Variants in SIPA1L2 observed in about 807,000 individuals in gnomAD.
The protein encoded by SIPA1L2 is signal-induced proliferation-associated 1-like protein 2.
A neutral mutation model predicts 163.9 loss-of-function variants in SIPA1L2; 56 were observed. That is an observed-to-expected ratio of 0.34 (90% CI 0.28 to 0.43). The LOEUF (loss-of-function observed/expected upper bound fraction) is 0.43, where lower values mean the gene tolerates loss of function less well. Among genes scored for constraint, SIPA1L2 ranks in the 20% least tolerant of loss-of-function variants. The pLI is 1.00. For missense variants in SIPA1L2, 1,974 were observed against 2,193.5 expected, an observed-to-expected ratio of 0.90 and a Z score of 2.00; for synonymous variants, 877 against 865.7, an observed-to-expected ratio of 1.01 and a Z score of -0.23.
Position 232,490,983 on chromosome 1 carries a change from A to G in SIPA1L2, c.1697T>C (p.Leu566Pro). 2 of 1,614,174 alleles carry G rather than the reference A, an allele frequency of 1.2e-6. No homozygotes were observed. The highest frequency in any genetic ancestry group is 1.1e-5 in the South Asian group (1 of 91,076). ...ARHGTARGLPLKEVLEYVIPE... is the reference protein window; with the variant it reads ...ARHGTARGLPPKEVLEYVIPE... Reference sequence around the variant, plus strand: ...AATGACGTATTCCAAAACTTCTTTGAGAGGTAGTCCTCGTGCGGTACCATG... The same window carrying G: ...AATGACGTATTCCAAAACTTCTTTGGGAGGTAGTCCTCGTGCGGTACCATG... Residue 566 changes from leucine to proline, a missense_variant, in exon 5 of 23, where the codon CTC (leucine) becomes CCC (proline). Physicochemically the swap from Leu to Pro is moderately conservative, Grantham distance 98 (BLOSUM62 -3). Transcript: ENST00000674635.
chr1:232,458,966 G>A (rs985185420), intron 10 of SIPA1L2, among the ~76,000 whole-genome samples: 1 of 152,106 alleles, frequency 6.6e-6, no homozygotes, highest in Admixed American at 6.5e-5. Context: ...ATCTTAACAC[G>A]GGACTGATAC....
At chr1:232,428,593 A>G (rs759249286) in intron 16 of SIPA1L2, 29 bp from the exon 17 acceptor site, 2 of 1,473,894 alleles carry the variant, frequency 1.4e-6, no homozygotes, top group Non-Finnish European at 1.8e-6. Flanking sequence ...ATGGAAATTA[A>G]GCCTATTTGT....
rs190100664 is a variant in SIPA1L2, at chr1:232,508,997, C to T, written c.1483+4860G>A. On this transcript the variant is annotated intron_variant, in intron 3 of 22. Transcript: ENST00000674635. ...ATCCCAGCTACTTGGGAGGCTGAGG[C>T]AGGAGAATTGCTTGAACCCGGGAGG... is the stretch of plus-strand genomic sequence containing the variant. Among the ~76,000 whole-genome samples the T allele has an allele frequency of 1.4e-3, 212 of 152,308 alleles. 2 individuals are homozygous for T. Among genetic ancestry groups the T allele is most frequent in the African/African-American group, 4.8e-3 (201 of 41,562 alleles).
At position 232,514,523 on chromosome 1, in the gene SIPA1L2, C is replaced by G. The variant is rs1250764619; in HGVS notation, c.817G>C (p.Asp273His). 1 of 1,614,186 alleles carries G rather than the reference C, an allele frequency of 6.2e-7. No homozygotes were observed. Among genetic ancestry groups the G allele is most frequent in the Non-Finnish European group, 8.5e-7 (1 of 1,180,036 alleles). ...YVDSALLMGR[D>H]RDKPFKRRLK... is the part of the protein sequence containing the mutation. ...CTCCGTTTGAAAGGCTTGTCCCTGT[C>G]TCTCCCCATCAGGAGGGCACTGTCC... is the stretch of plus-strand genomic sequence containing the variant. Residue 273 changes from aspartate to histidine, a missense_variant, in exon 3 of 23, where the codon GAC (aspartate) becomes CAC (histidine). This residue lies in a region of SIPA1L2 where 607 missense variants were observed against 624.0 expected (regional missense o/e 0.97). Transcript: ENST00000674635.
intron 2 of SIPA1L2, among the ~76,000 whole-genome samples, chr1:232,541,482 T>G (rs368533820): frequency 6.6e-6 from 1 of 152,178 alleles, no homozygotes; most frequent in East Asian, 1.9e-4. Flanking sequence ...AAGTAAGGCT[T>G]TCTTTGATGA....
intron 2 of SIPA1L2, among the ~76,000 whole-genome samples, chr1:232,572,128 T>C (rs1003110205): frequency 6.6e-6 from 1 of 152,126 alleles, no homozygotes; most frequent in Non-Finnish European, 1.5e-5. Flanking sequence ...AAGTGTGAAG[T>C]CCACACAGTG....
intron 2 of SIPA1L2, among the ~76,000 whole-genome samples, chr1:232,546,214 C>G (rs1351248459): frequency 6.6e-6 from 1 of 152,188 alleles, no homozygotes; most frequent in African/African-American, 2.4e-5. Flanking sequence ...ACAGCATAAC[C>G]GTACTTTTGC....
Position 232,465,539 on chromosome 1 carries a change from C to A in SIPA1L2, c.2244-123G>T. On this transcript the variant is annotated intron_variant, in intron 8 of 22. Transcript: ENST00000674635. This position sits in a 1 kb window ranked among gnomAD's most constrained non-coding sequence, Gnocchi z 4.1. Reference sequence around the variant, plus strand: ...ACATACACACACACACACACATATACATACACACATACACACACACTTTCA... The same window carrying A: ...ACATACACACACACACACACATATAAATACACACATACACACACACTTTCA... 1 of 749,680 alleles carries A rather than the reference C, an allele frequency of 1.3e-6. No homozygotes were observed. Among genetic ancestry groups the A allele is most frequent in the Non-Finnish European group, 2.1e-6 (1 of 470,886 alleles). The allele number at this position is 749,680 out of a possible 1,614,324, so 46.4% of individuals were successfully genotyped here. A position where few individuals can be genotyped will look rare whatever the true frequency, so the allele number is the denominator to read the frequency against.
chr1:232,595,194 G>C (rs1355847156), intron 1 of SIPA1L2, among the ~76,000 whole-genome samples: 2 of 152,126 alleles, frequency 1.3e-5, no homozygotes, highest in East Asian at 3.9e-4. Context: ...GGCTAGTGAG[G>C]TCTGGCCCTC....
chr1:232,478,070 G>T (rs1665136858), intron 7 of SIPA1L2, among the ~76,000 whole-genome samples: 2 of 152,160 alleles, frequency 1.3e-5, no homozygotes, highest in Admixed American at 1.3e-4. Flanking sequence ...AACTGTCCTG[G>T]TCTAAATTAA....
chr1:232,478,459 G>C lies in SIPA1L2; in HGVS notation c.2085+1168C>G, dbSNP rs6676460. On this transcript the variant is annotated intron_variant, in intron 7 of 22. Coordinates refer to ENST00000674635, the MANE Select transcript of SIPA1L2 (RefSeq NM_020808.5). Reference sequence around the variant, plus strand: ...AGTGATGGGAGAAGGGGAGGTAGTTGGCTGGTTTCCTCTTTGGGAAAAAAT... The same window carrying C: ...AGTGATGGGAGAAGGGGAGGTAGTTCGCTGGTTTCCTCTTTGGGAAAAAAT... Among the ~76,000 whole-genome samples, 95 of 152,194 alleles carry C rather than the reference G, an allele frequency of 6.2e-4. 1 individual carries two copies. The highest frequency in any genetic ancestry group is 2.1e-3 in the African/African-American group (88 of 41,526).
At chr1:232,553,656 T>C (rs963837385) in intron 2 of SIPA1L2, among the ~76,000 whole-genome samples, 1 of 152,190 alleles carries the variant, frequency 6.6e-6, no homozygotes, top group Non-Finnish European at 1.5e-5. Flanking sequence ...GACTGTCTCC[T>C]ATATTTATAC....
At chr1:232,459,508 A>C (rs1273199771) in intron 10 of SIPA1L2, among the ~76,000 whole-genome samples, 1 of 152,118 alleles carries the variant, frequency 6.6e-6, no homozygotes, top group African/African-American at 2.4e-5. Flanking sequence ...AATATGCTAA[A>C]GTTTTATTTA....
chr1:232,509,662 T>C (rs1379113195), intron 3 of SIPA1L2, among the ~76,000 whole-genome samples: 3 of 152,154 alleles, frequency 2.0e-5, no homozygotes, highest in Admixed American at 1.3e-4. Context: ...TCCCACACCA[T>C]AGGAGGCCTC....
At chr1:232,567,662 T>C (rs567417278) in intron 2 of SIPA1L2, among the ~76,000 whole-genome samples, 34 of 152,318 alleles carry the variant, frequency 2.2e-4, no homozygotes, top group African/African-American at 7.7e-4. Context: ...GTAAAATATA[T>C]ATTTGAACTT....
intron 7 of SIPA1L2, among the ~76,000 whole-genome samples, chr1:232,474,478 T>C (rs1310163608): frequency 6.6e-6 from 1 of 152,156 alleles, no homozygotes; most frequent in African/African-American, 2.4e-5. Context: ...CAAACCAGTA[T>C]CTCACAAGAC....
At chr1:232,462,154 C>T in intron 9 of SIPA1L2, 1 of 1,372,612 alleles carries the variant, frequency 7.3e-7, no homozygotes, top group South Asian at 1.2e-5. Flanking sequence ...CCACTTGGTA[C>T]ATTAAAGCAC....
At chr1:232,407,610 G>T (rs1209891662) in intron 19 of SIPA1L2, among the ~76,000 whole-genome samples, 1 of 152,190 alleles carries the variant, frequency 6.6e-6, no homozygotes, top group African/African-American at 2.4e-5. Flanking sequence ...CTTTCACATT[G>T]ATATTTGCAC....
At chr1:232,471,578 A>AAT (rs773866196) in intron 7 of SIPA1L2, 50 bp from the exon 8 acceptor site, 12 of 1,460,186 alleles carry the variant, frequency 8.2e-6, no homozygotes, top group African/African-American at 5.8e-5. Context: ...TTTAAAACAA[A>AAT]ATATATATAT....
Sources: gnomAD v4.1 joint callset for allele counts (sites outside exome capture counted in the v4.1 genomes callset) on GRCh38, gnomAD v4.1.1 for gene constraint, gnomAD v4.1.1 regional missense constraint, Gnocchi (gnomAD v3.1) non-coding constraint, MANE v1.5 for transcripts, NCBI Gene and HGNC (gene_info 2026-07-23, HGNC 2026-07-21) for gene names.